The following NRG3 variants were observed in gnomAD, a reference collection of about 807,000 sequenced individuals.
NRG3 encodes the protein neuregulin 3.
NRG3 carries 31 observed loss-of-function variants against 66.9 expected under a neutral mutation model. The ratio of observed to expected loss-of-function variants is 0.46; its 90% CI spans 0.35 to 0.63. The LOEUF (loss-of-function observed/expected upper bound fraction) is 0.63, where lower values mean the gene tolerates loss of function less well. Among genes scored for constraint, NRG3 ranks in the 20% least tolerant of loss-of-function variants. NRG3 has a pLI of 0.00. For synonymous variants in NRG3, 393 were observed against 359.4 expected, an observed-to-expected ratio of 1.09 and a Z score of -1.06; for missense variants, 910 against 878.9, an observed-to-expected ratio of 1.04 and a Z score of -0.45.
At chr10:82,408,148 G>A (rs1010351200) in intron 2 of NRG3, among the ~76,000 whole-genome samples, 44 of 134,198 alleles carry the variant, frequency 3.3e-4, no homozygotes, top group Non-Finnish European at 4.4e-4. Context: ...AGAAAGAAAA[G>A]AAAAAGAAAA....
rs545452163 is a variant in NRG3, at chr10:82,489,584, G to A, written c.953+130716G>A. ...TCAACCTAAGGTATTGTCACAAACA[G>A]GGGGCTGGAGCCTGGATTCATTCAT... On this transcript the variant is annotated intron_variant, in intron 2 of 8. Transcript: ENST00000372141. Among the ~76,000 whole-genome samples, 10 of 150,520 alleles carry A rather than the reference G, an allele frequency of 6.6e-5. No individual in the cohort carries two copies. The South Asian group carries it at 2.1e-3, about 31-fold the overall frequency.
chr10:82,629,951 C>T (rs2049700716), intron 2 of NRG3, among the ~76,000 whole-genome samples: 1 of 152,068 alleles, frequency 6.6e-6, no homozygotes, highest in South Asian at 2.1e-4. Context: ...AGCAGATGTC[C>T]CAATGAAGAT....
chr10:82,102,139 T>TATATATATGTGTGTATTC lies in NRG3; in HGVS notation c.823+225984_823+225985insGTGTGTATTCATATATAT, dbSNP rs1240905858. Among the ~76,000 whole-genome samples, 104 of 27,398 alleles carry TATATATATGTGTGTATTC rather than the reference T, an allele frequency of 3.8e-3. 6 individuals carry two copies. The highest frequency in any genetic ancestry group is 0.016 in the Admixed American group (40 of 2,538). The allele number at this position is 27,398 out of a possible 152,430, so 18.0% of individuals were successfully genotyped here. A position where few individuals can be genotyped will look rare whatever the true frequency, so the allele number is the denominator to read the frequency against. On this transcript the variant is annotated intron_variant, in intron 1 of 8. Transcript: ENST00000372141. ...ATATATATATATGTGTATTCATATA[T>TATATATATGTGTGTATTC]ATATATATATATATATATATATATA...
chr10:82,741,708 A>T (rs1016807299), intron 3 of NRG3, among the ~76,000 whole-genome samples: 6 of 152,122 alleles, frequency 3.9e-5, no homozygotes, highest in African/African-American at 1.2e-4. Context: ...CAGCTAGTTA[A>T]TGCTAGAGTT....
At chr10:82,707,151 A>G (rs2134351698) in intron 2 of NRG3, among the ~76,000 whole-genome samples, 1 of 151,644 alleles carries the variant, frequency 6.6e-6, no homozygotes, top group East Asian at 1.9e-4. Flanking sequence ...GGGTCTTTTT[A>G]TAAAGTAAAA....
At chr10:82,454,746 A>T (rs2091192891) in intron 2 of NRG3, among the ~76,000 whole-genome samples, 1 of 152,222 alleles carries the variant, frequency 6.6e-6, no homozygotes, top group African/African-American at 2.4e-5. Context: ...TCAGGGAGGG[A>T]AAAAGCTATT....
chr10:82,019,287 C>T (rs1040804145), intron 1 of NRG3, among the ~76,000 whole-genome samples: 1 of 152,040 alleles, frequency 6.6e-6, no homozygotes, highest in Admixed American at 6.6e-5. Context: ...GGATGAAGCC[C>T]ACTTGATCAT....
chr10:82,742,082 C>T (rs1230625261), intron 3 of NRG3, among the ~76,000 whole-genome samples: 1 of 152,038 alleles, frequency 6.6e-6, no homozygotes, highest in African/African-American at 2.4e-5. Context: ...CTTCTGTCTC[C>T]TCTCTTCTCT....
chr10:82,601,864 T>TTA (rs937470742), intron 2 of NRG3, among the ~76,000 whole-genome samples: 22 of 146,276 alleles, frequency 1.5e-4, no homozygotes, highest in Admixed American at 2.1e-4. Context: ...AAAAAATTAT[T>TTA]TATATATATA....
At chr10:82,123,234 A>G (rs1214149144) in intron 1 of NRG3, among the ~76,000 whole-genome samples, 1 of 152,174 alleles carries the variant, frequency 6.6e-6, no homozygotes, top group Non-Finnish European at 1.5e-5. Flanking sequence ...TAATTATAAT[A>G]CTTGGAATAT....
intron 2 of NRG3, among the ~76,000 whole-genome samples, chr10:82,639,191 T>G (rs2133797115): frequency 6.6e-6 from 1 of 152,348 alleles, no homozygotes; most frequent in South Asian, 2.1e-4. Flanking sequence ...AGAAGTTTTT[T>G]GCTCACAGTT....
intron 1 of NRG3, among the ~76,000 whole-genome samples, chr10:81,910,357 C>G (rs1467257893): frequency 6.6e-6 from 1 of 152,166 alleles, no homozygotes; most frequent in Non-Finnish European, 1.5e-5. Flanking sequence ...ACGGTGGGAA[C>G]ATCAAACTGA....
chr10:82,556,338 C>A (rs1375950361), intron 2 of NRG3, among the ~76,000 whole-genome samples: 2 of 152,070 alleles, frequency 1.3e-5, no homozygotes, highest in Non-Finnish European at 2.9e-5. Flanking sequence ...ATGTTTCTGG[C>A]AGTGTGCTCT....
intron 2 of NRG3, among the ~76,000 whole-genome samples, chr10:82,665,800 C>G (rs2052727725): frequency 6.6e-6 from 1 of 152,178 alleles, no homozygotes; most frequent in Admixed American, 6.5e-5. Context: ...CCCACCCTCT[C>G]TGTGGTGACT....
chr10:82,791,212 A>T (rs1176105590), intron 3 of NRG3, among the ~76,000 whole-genome samples: 1 of 151,892 alleles, frequency 6.6e-6, no homozygotes, highest in Non-Finnish European at 1.5e-5. Context: ...AAAGCTGAAC[A>T]ATTTAAGTAA....
At chr10:82,580,993 A>G (rs998611977) in intron 2 of NRG3, among the ~76,000 whole-genome samples, 1 of 151,506 alleles carries the variant, frequency 6.6e-6, no homozygotes, top group African/African-American at 2.4e-5. Flanking sequence ...TGCTGACAGT[A>G]AGAGTATATT....
intron 2 of NRG3, among the ~76,000 whole-genome samples, chr10:82,686,793 T>G (rs960846441): frequency 6.6e-6 from 1 of 152,220 alleles, no homozygotes; most frequent in South Asian, 2.1e-4. Context: ...CCTCAAAAAT[T>G]AGATGCCCTT....
chr10:82,349,345 C>T (rs1017745750), intron 1 of NRG3, among the ~76,000 whole-genome samples: 3 of 151,878 alleles, frequency 2.0e-5, no homozygotes, highest in Non-Finnish European at 4.4e-5. Context: ...CAGTGTGCCC[C>T]TGCTGGGGGG....
intron 1 of NRG3, among the ~76,000 whole-genome samples, chr10:82,280,699 C>T (rs923264557): frequency 6.6e-6 from 1 of 152,148 alleles, no homozygotes; most frequent in Non-Finnish European, 1.5e-5. Context: ...CACAAAATAA[C>T]GTAACTTCTC....
Sources: gnomAD v4.1 joint callset for allele counts (sites outside exome capture counted in the v4.1 genomes callset) on GRCh38, gnomAD v4.1.1 for gene constraint, MANE v1.5 for transcripts, NCBI Gene and HGNC (gene_info 2026-07-23, HGNC 2026-07-21) for gene names.